The following MPP4 variants were observed in gnomAD, a reference collection of about 807,000 sequenced individuals.
The protein encoded by MPP4 is MAGUK p55 subfamily member 4.
A neutral mutation model predicts 98.3 loss-of-function variants in MPP4; 91 were observed. That is an observed-to-expected ratio of 0.93 (90% CI 0.78 to 1.10). The LOEUF (loss-of-function observed/expected upper bound fraction) is 1.10, where lower values mean the gene tolerates loss of function less well. Ranked by LOEUF, MPP4 falls within the 50% of genes least tolerant of loss-of-function variation. The probability of loss-of-function intolerance (pLI) is 0.00; values close to 1 mark genes in which losing one functional copy is unlikely to be tolerated. For missense variants in MPP4, 744 were observed against 792.9 expected (o/e 0.94, Z 0.74); for synonymous variants, 261 against 271.8 (o/e 0.96, Z 0.39).
intron 3 of MPP4, among the ~76,000 whole-genome samples, chr2:201,691,114 C>A (rs527716289): frequency 6.6e-6 from 1 of 152,324 alleles, no homozygotes; most frequent in South Asian, 2.1e-4. Context: ...TTGGATAACT[C>A]ACCAAGGGCC....
At chr2:201,670,120 T>C (rs1688299752) in intron 11 of MPP4, among the ~76,000 whole-genome samples, 1 of 151,938 alleles carries the variant, frequency 6.6e-6, no homozygotes, top group Non-Finnish European at 1.5e-5. Flanking sequence ...GACAGAGAGA[T>C]GGAGAGAGGG....
intron 3 of MPP4, among the ~76,000 whole-genome samples, chr2:201,691,861 A>G (rs1428193550): frequency 1.3e-5 from 2 of 152,182 alleles, no homozygotes; most frequent in Admixed American, 1.3e-4. Context: ...ACCTAAACAG[A>G]ACTGTAGATA....
intron 3 of MPP4, 125 bp from the exon 4 acceptor site, chr2:201,690,404 G>T (rs1368902645): frequency 3.5e-6 from 2 of 569,274 alleles, no homozygotes. Context: ...GCACGGTGTG[G>T]TTGGTGTTTA....
Position 201,675,244 on chromosome 2 carries a change from C to T in MPP4, c.957G>A (p.Gln319=). 6.2e-7 allele frequency: 1 copy of T among 1,609,480 alleles called. No homozygotes were observed. Among genetic ancestry groups the T allele is most frequent in the Non-Finnish European group, 8.5e-7 (1 of 1,178,134 alleles). Residue 319 remains glutamine (Q), a synonymous_variant, in exon 11 of 22, where the codon CAG becomes CAA. Transcript: ENST00000409474. ...KRKQREFWWS[Q]PYQPHTCLKS... The stretch of plus-strand genomic sequence containing the variant: ...TGAGGCAGGTGTGAGGCTGGTACGG[C>T]TGAGACCACCAGAATTCCCGTTGCT...
At chr2:201,663,930 G>T in intron 14 of MPP4, 151 bp downstream of exon 14, 1 of 390,160 alleles carries the variant, frequency 2.6e-6, no homozygotes, top group Non-Finnish European at 4.5e-6. Flanking sequence ...GTATATTTGA[G>T]GTTGACAACA....
intron 4 of MPP4, among the ~76,000 whole-genome samples, chr2:201,688,910 C>A (rs1215339798): frequency 1.3e-5 from 2 of 152,266 alleles, no homozygotes; most frequent in East Asian, 3.9e-4. Flanking sequence ...AGCTACTGCA[C>A]CCAGCCTGAT....
intron 3 of MPP4, among the ~76,000 whole-genome samples, chr2:201,691,008 G>GC (rs1238241637): frequency 6.6e-6 from 1 of 152,170 alleles, no homozygotes; most frequent in East Asian, 1.9e-4. Flanking sequence ...GGCCGGCTGA[G>GC]CCCCCAGTCT....
intron 5 of MPP4, among the ~76,000 whole-genome samples, chr2:201,686,945 A>C (rs764420632): frequency 6.6e-6 from 1 of 152,226 alleles, no homozygotes; most frequent in Non-Finnish European, 1.5e-5. Context: ...AACTCAAAAT[A>C]GTCCCACTTT....
intron 7 of MPP4, among the ~76,000 whole-genome samples, chr2:201,684,777 C>T (rs1013341923): frequency 2.6e-5 from 4 of 151,540 alleles, no homozygotes; most frequent in African/African-American, 4.8e-5. Context: ...GGTGAAACCC[C>T]GTCTCTACTA....
chr2:201,669,460 C>T (rs1447808132), intron 12 of MPP4, among the ~76,000 whole-genome samples: 5 of 152,174 alleles, frequency 3.3e-5, no homozygotes, highest in African/African-American at 1.2e-4. Flanking sequence ...AACTCTGGAG[C>T]TGCATATAAA....
At chr2:201,669,880 T>C in intron 11 of MPP4, 130 bp from the exon 12 acceptor site, 1 of 644,260 alleles carries the variant, frequency 1.6e-6, no homozygotes, top group Non-Finnish European at 2.3e-6. Flanking sequence ...TCTGGGTTTA[T>C]TCTCTAGAAA....
chr2:201,690,371 G>A (rs1688976642), intron 3 of MPP4, 92 bp from the exon 4 acceptor site: 5 of 791,184 alleles, frequency 6.3e-6, no homozygotes, highest in Non-Finnish European at 1.0e-5. Flanking sequence ...AACACCCCAG[G>A]CAACTGCACC....
At chr2:201,665,252 A>T (rs1296327227) in intron 13 of MPP4, 1 of 151,506 alleles carries the variant, frequency 6.6e-6, no homozygotes, top group Non-Finnish European at 1.5e-5. Context: ...CTATTTTTTT[A>T]GTAGAGGCAG....
At chr2:201,698,007 C>A in intron 1 of MPP4, 1 of 985,352 alleles carries the variant, frequency 1.0e-6, no homozygotes, top group Non-Finnish European at 1.2e-6. Context: ...AGTGAGAATT[C>A]TTGATTGAGA....
intron 16 of MPP4, 149 bp from the exon 17 acceptor site, chr2:201,656,517 G>A: frequency 1.3e-6 from 1 of 786,586 alleles, no homozygotes; most frequent in Non-Finnish European, 1.9e-6. Flanking sequence ...GAAGTAATAT[G>A]AGGGAAAAAT....
intron 8 of MPP4, among the ~76,000 whole-genome samples, chr2:201,681,853 C>T (rs937686051): frequency 6.6e-6 from 1 of 151,526 alleles, no homozygotes; most frequent in African/African-American, 2.4e-5. Flanking sequence ...ACAGAAACAC[C>T]CCACCAGCAA....
At position 201,682,871 on chromosome 2, in the gene MPP4, G is replaced by A. The variant is rs1383627083; in HGVS notation, c.620C>T (p.Ser207Leu). 2 of 1,613,964 alleles carry A rather than the reference G, an allele frequency of 1.2e-6. No homozygotes were observed. The highest frequency in any genetic ancestry group is 1.7e-6 in the Non-Finnish European group (2 of 1,179,886). The change falls in exon 8 of 22, where the codon TCA (serine) becomes TTA (leucine). Residue 207 changes from serine (S) to leucine (L), a missense_variant. Ser to Leu is a moderately radical substitution (Grantham distance 145, BLOSUM62 -2). Transcript: ENST00000409474. ...GDKLVEVNGVSVEGLDPEQVI... is the reference protein window; with the variant it reads ...GDKLVEVNGVLVEGLDPEQVI... Reference sequence around the variant, plus strand: ...TTGTTCAGGGTCCAGTCCCTCAACTGAAACTCCATTCACTTCTACCAGTTT... The same window carrying A: ...TTGTTCAGGGTCCAGTCCCTCAACTAAAACTCCATTCACTTCTACCAGTTT...
intron 13 of MPP4, chr2:201,665,062 G>GTTTT (rs1688132776): frequency 7.7e-6 from 1 of 130,448 alleles, no homozygotes; most frequent in Non-Finnish European, 1.7e-5. Flanking sequence ...ATACATCATT[G>GTTTT]CTTTTTTTTT....
chr2:201,692,776 C>T, intron 3 of MPP4, 132 bp downstream of exon 3: 3 of 1,335,858 alleles, frequency 2.2e-6, no homozygotes, highest in Non-Finnish European at 3.0e-6. Flanking sequence ...GCCTACAGAA[C>T]TGTGAGATAT....
Sources: allele counts gnomAD v4.1 joint callset (sites outside exome capture counted in the v4.1 genomes callset), GRCh38; gene constraint gnomAD v4.1.1; transcripts MANE v1.5; gene names NCBI Gene and HGNC (gene_info 2026-07-23, HGNC 2026-07-21).